Variants in RABEP1 observed in about 807,000 individuals in gnomAD.
The protein encoded by RABEP1 is rab GTPase-binding effector protein 1.
Under a neutral mutation model 123.4 loss-of-function variants are expected in RABEP1, and 51 were observed. That is an observed-to-expected ratio of 0.41 (90% CI 0.33 to 0.52). The LOEUF (loss-of-function observed/expected upper bound fraction) is 0.52. Ranked by LOEUF, RABEP1 falls within the 20% of genes least tolerant of loss-of-function variation. The probability of loss-of-function intolerance (pLI) is 0.16; values close to 1 mark genes in which losing one functional copy is unlikely to be tolerated. For missense variants in RABEP1, 888 were observed against 996.3 expected, an observed-to-expected ratio of 0.89 and a Z score of 1.46; for synonymous variants, 347 against 355.2, an observed-to-expected ratio of 0.98 and a Z score of 0.26.
intron 11 of RABEP1, among the ~76,000 whole-genome samples, chr17:5,366,848 G>C (rs1280039537): frequency 6.6e-6 from 1 of 151,810 alleles, no homozygotes; most frequent in Non-Finnish European, 1.5e-5. Context: ...CCAGCACTTT[G>C]GGAGGCCGAG....
intron 16 of RABEP1, 85 bp downstream of exon 16, chr17:5,380,547 G>A (rs1567556595): frequency 5.4e-6 from 6 of 1,114,646 alleles, no homozygotes; most frequent in Non-Finnish European, 7.9e-6. Flanking sequence ...AAAAATATTG[G>A]TGCTTTGAAG....
rs758572176 is a variant in RABEP1, at chr17:5,335,263, C to T, written c.447C>T (p.Ser149=). 39 of 1,613,362 alleles carry T rather than the reference C, an allele frequency of 2.4e-5. No homozygotes were observed. The highest frequency in any genetic ancestry group is 2.8e-5 in the Non-Finnish European group (33 of 1,179,852). The change falls in exon 4 of 18, where the codon TCC becomes TCT. Residue 149 remains serine (S), a synonymous_variant. Coordinates refer to ENST00000537505, the MANE Select transcript of RABEP1 (RefSeq NM_004703.6). ...ERTQWAQYRE[S]AEREIADLRR... is the part of the protein sequence containing the mutation. ...CACAGTGGGCACAGTATAGAGAATCCGCAGAGAGGGAAATAGCTGATTTAA... is the reference window on the plus strand; with the variant it reads ...CACAGTGGGCACAGTATAGAGAATCTGCAGAGAGGGAAATAGCTGATTTAA...
At position 5,386,070 on chromosome 17, in the gene RABEP1, A is replaced by T; in HGVS notation, c.*2847A>T. The T allele has an allele frequency of 1.6e-6, 1 of 632,214 alleles. No individual in the cohort carries two copies. 39.2% of individuals were successfully genotyped at this position (632,214 alleles called of 1,614,324 possible). A position where few individuals can be genotyped will look rare whatever the true frequency, so the allele number is the denominator to read the frequency against. On this transcript the variant is annotated 3_prime_UTR_variant, in exon 18 of 18. Coordinates refer to ENST00000537505, the MANE Select transcript of RABEP1 (RefSeq NM_004703.6). ...GCATTTACTCAATTATTATAAAACA[A>T]CATATTTAAAAAGATGAACCACACC...
intron 1 of RABEP1, among the ~76,000 whole-genome samples, chr17:5,296,717 G>C (rs901322554): frequency 2.6e-5 from 4 of 152,082 alleles, no homozygotes; most frequent in African/African-American, 9.7e-5. Flanking sequence ...TATAGCTATT[G>C]CATAATTTAT....
rs891729382 is a variant in RABEP1, at chr17:5,384,139, A to G, written c.*916A>G. 1 of 214,412 alleles carries G rather than the reference A, an allele frequency of 4.7e-6. No individual in the cohort carries two copies. Among genetic ancestry groups the G allele is most frequent in the African/African-American group, 2.3e-5 (1 of 44,346 alleles). 13.3% of individuals were successfully genotyped at this position (214,412 alleles called of 1,614,324 possible). A position where few individuals can be genotyped will look rare whatever the true frequency, so the allele number is the denominator to read the frequency against. On this transcript the variant is annotated 3_prime_UTR_variant, in exon 18 of 18. Coordinates refer to ENST00000537505, the MANE Select transcript of RABEP1 (RefSeq NM_004703.6). Reference sequence around the variant, plus strand: ...TACTTGTTTCAAATGTGTCAAATACAAAAATGGTAACTAGGTTGACAGATA... The same window carrying G: ...TACTTGTTTCAAATGTGTCAAATACGAAAATGGTAACTAGGTTGACAGATA...
At chr17:5,282,997 C>G (rs749568323) in intron 1 of RABEP1, among the ~76,000 whole-genome samples, 1 of 152,182 alleles carries the variant, frequency 6.6e-6, no homozygotes, top group East Asian at 1.9e-4. Flanking sequence ...TGTACAGTAA[C>G]TGGATTTAGT....
chr17:5,354,919 G>A (rs1199919986), intron 8 of RABEP1, among the ~76,000 whole-genome samples: 1 of 152,142 alleles, frequency 6.6e-6, no homozygotes, highest in Non-Finnish European at 1.5e-5. Context: ...GACGGCCATG[G>A]GTGAGGTTTG....
rs73976335 is a variant in RABEP1, at chr17:5,377,077, C to G, written c.2026-39C>G. The G allele has an allele frequency of 1.6e-3, 2,507 of 1,535,028 alleles. 41 individuals carry two copies. The African/African-American group carries it at 0.032, about 20-fold the overall frequency. On this transcript the variant is annotated intron_variant, in intron 13 of 17. Transcript: ENST00000537505. Reference sequence around the variant, plus strand: ...TCTTTAGCTTCTTTATTTCCTTTCACTCTCACAAACCCAATAATCATTTGT... The same window carrying G: ...TCTTTAGCTTCTTTATTTCCTTTCAGTCTCACAAACCCAATAATCATTTGT...
chr17:5,322,131 C>T (rs1402793273), intron 2 of RABEP1, among the ~76,000 whole-genome samples: 3 of 151,894 alleles, frequency 2.0e-5, no homozygotes, highest in Admixed American at 2.0e-4. Flanking sequence ...ACCCAGAGGG[C>T]GGAGGTTGCA....
At chr17:5,314,967 G>A (rs2075282423) in intron 2 of RABEP1, among the ~76,000 whole-genome samples, 2 of 152,156 alleles carry the variant, frequency 1.3e-5, no homozygotes, top group African/African-American at 4.8e-5. Flanking sequence ...ACGGTTACGT[G>A]AAACACAGAA....
intron 4 of RABEP1, 102 bp from the exon 5 acceptor site, chr17:5,337,917 C>T: frequency 7.7e-7 from 1 of 1,296,318 alleles, no homozygotes; most frequent in Non-Finnish European, 1.0e-6. Flanking sequence ...AGTGTCTGGT[C>T]AAGTTACTTG....
intron 1 of RABEP1, among the ~76,000 whole-genome samples, chr17:5,307,041 A>G (rs1424639450): frequency 6.6e-6 from 1 of 152,146 alleles, no homozygotes; most frequent in Non-Finnish European, 1.5e-5. Context: ...ATGGAAGGCC[A>G]GGTGCGGTGG....
intron 2 of RABEP1, among the ~76,000 whole-genome samples, chr17:5,314,988 T>C (rs2075282625): frequency 1.3e-5 from 2 of 152,214 alleles, no homozygotes; most frequent in Admixed American, 6.5e-5. Flanking sequence ...CAAAAGGCCA[T>C]ATAGTTTTCA....
chr17:5,331,230 C>T (rs1001635004), intron 2 of RABEP1, among the ~76,000 whole-genome samples: 2 of 151,884 alleles, frequency 1.3e-5, no homozygotes, highest in African/African-American at 4.8e-5. Flanking sequence ...GATGCTCAAA[C>T]TCCTTATTAA....
intron 1 of RABEP1, among the ~76,000 whole-genome samples, chr17:5,303,063 CTGAA>C (rs1290516885): frequency 7.9e-5 from 12 of 152,028 alleles, no homozygotes; most frequent in African/African-American, 1.2e-4. Flanking sequence ...TTTTACTACT[CTGAA>C]TGCCATTTTG....
chr17:5,379,646 T>C (rs1201664775), intron 15 of RABEP1, among the ~76,000 whole-genome samples: 1 of 152,098 alleles, frequency 6.6e-6, no homozygotes, highest in African/African-American at 2.4e-5. Flanking sequence ...CCATTCTAGC[T>C]GCCACTCTTT....
chr17:5,295,636 T>A (rs1362122837), intron 1 of RABEP1, among the ~76,000 whole-genome samples: 1 of 152,130 alleles, frequency 6.6e-6, no homozygotes, highest in Admixed American at 6.6e-5. Flanking sequence ...ACATTTAAGT[T>A]TTTATATGTT....
At chr17:5,341,601 T>C (rs1416840005) in intron 5 of RABEP1, among the ~76,000 whole-genome samples, 2 of 152,312 alleles carry the variant, frequency 1.3e-5, no homozygotes, top group South Asian at 2.1e-4. Context: ...CTCCAACTGT[T>C]TTTATGAGAC....
At chr17:5,293,531 C>T (rs2075052685) in intron 1 of RABEP1, among the ~76,000 whole-genome samples, 1 of 152,082 alleles carries the variant, frequency 6.6e-6, no homozygotes, top group Non-Finnish European at 1.5e-5. Flanking sequence ...CTCACCTCAG[C>T]CTCCTGAGGG....
Sources: allele counts gnomAD v4.1 joint callset (sites outside exome capture counted in the v4.1 genomes callset), GRCh38; gene constraint gnomAD v4.1.1; transcripts MANE v1.5; gene names NCBI Gene and HGNC (gene_info 2026-07-23, HGNC 2026-07-21).